The following SENP6 variants were observed in gnomAD, a reference collection of about 807,000 sequenced individuals.
SENP6 encodes sentrin-specific protease 6.
Under a neutral mutation model 134.5 loss-of-function variants are expected in SENP6, and 41 were observed. That is an observed-to-expected ratio of 0.30 (90% confidence interval 0.24 to 0.40). The LOEUF is 0.40. Ranked by LOEUF, SENP6 falls within the 10% of genes least tolerant of loss-of-function variation. The pLI is 1.00. For synonymous variants in SENP6, 395 were observed against 429.8 expected (o/e 0.92, Z 1.00); for missense variants, 1,248 against 1,312.5 (o/e 0.95, Z 0.76).
chr6:75,715,275 T>C, intron 23 of SENP6, 110 bp from the exon 24 acceptor site: 1 of 771,350 alleles, frequency 1.3e-6, no homozygotes, highest in Non-Finnish European at 2.2e-6. Context: ...CAGAAATACA[T>C]ATTGAATGCG....
At chr6:75,678,560 G>A (rs764763119) in intron 14 of SENP6, 23 bp from the exon 15 acceptor site, 4 of 1,124,558 alleles carry the variant, frequency 3.6e-6, no homozygotes, top group Admixed American at 4.2e-5. Flanking sequence ...ACTGTAAATT[G>A]CTAATTTAAT....
intron 9 of SENP6, among the ~76,000 whole-genome samples, chr6:75,666,196 C>A (rs35867662): frequency 1.0e-5 from 1 of 97,658 alleles, no homozygotes; most frequent in African/African-American, 2.9e-5. Context: ...ATATATAAAA[C>A]GTATATATGA....
At position 75,606,292 on chromosome 6, in the gene SENP6, G is replaced by A. The variant is rs6911032; in HGVS notation, c.52+3716G>A. On this transcript the variant is annotated intron_variant, in intron 1 of 23. Transcript: ENST00000447266. ...ACTAAAATTGTATGGATTTCATTAA[G>A]CCACAGCTTGTGTTAAAATTTTCTA... Among the ~76,000 whole-genome samples the A allele has an allele frequency of 9.4e-3, 1,435 of 152,232 alleles. 22 individuals are homozygous for A. The highest frequency in any genetic ancestry group is 0.033 in the African/African-American group (1,374 of 41,528).
At chr6:75,609,816 G>T (rs6930338) in intron 1 of SENP6, among the ~76,000 whole-genome samples, 43,488 of 152,000 alleles carry the variant, frequency 0.29, 6,815 homozygotes, top group Middle Eastern at 0.37. Context: ...TCTCGGCTCC[G>T]TTGCCCAGGC....
chr6:75,610,658 A>G (rs1479960597), intron 1 of SENP6, among the ~76,000 whole-genome samples: 3 of 152,284 alleles, frequency 2.0e-5, no homozygotes, highest in South Asian at 2.1e-4. Context: ...TAAAATTGGG[A>G]TAGTCCCAGG....
chr6:75,616,379 TTC>T (rs2149824440), intron 1 of SENP6, among the ~76,000 whole-genome samples: 1 of 152,328 alleles, frequency 6.6e-6, no homozygotes, highest in South Asian at 2.1e-4. Flanking sequence ...AATTTATTTT[TTC>T]TCTCACTGGA....
At chr6:75,644,541 A>C (rs905984704) in intron 6 of SENP6, among the ~76,000 whole-genome samples, 1 of 151,606 alleles carries the variant, frequency 6.6e-6, no homozygotes, top group Admixed American at 6.6e-5. Flanking sequence ...CTAGAGGGCA[A>C]TGGTGCAACC....
intron 21 of SENP6, among the ~76,000 whole-genome samples, chr6:75,712,265 G>T (rs1182238504): frequency 6.6e-6 from 1 of 151,968 alleles, no homozygotes; most frequent in Non-Finnish European, 1.5e-5. Context: ...TTTTTTTATA[G>T]AAAATGTTGA....
chr6:75,707,650 G>A (rs1264078819), intron 19 of SENP6, among the ~76,000 whole-genome samples: 3 of 151,920 alleles, frequency 2.0e-5, no homozygotes, highest in South Asian at 2.1e-4. Context: ...GAGCCACTGC[G>A]CTCAGCCCAT....
rs1773053853 is a variant in SENP6 at position 75,675,920 on chromosome 6, G to T, written c.1487G>T (p.Trp496Leu). The T allele has an allele frequency of 6.2e-7, 1 of 1,611,890 alleles. No homozygotes were observed. Among genetic ancestry groups the T allele is most frequent in the Non-Finnish European group, 8.5e-7 (1 of 1,179,076 alleles). ...ACCTCTGATCTAACTAAATGTGAATGGTGTAATGTCCGAAAATTACCTGTA... is the reference window on the plus strand; with the variant it reads ...ACCTCTGATCTAACTAAATGTGAATTGTGTAATGTCCGAAAATTACCTGTA... ...LNTSDLTKCE[W>L]CNVRKLPVVF... The change falls in exon 13 of 24, where the codon TGG becomes TTG. Residue 496 changes from tryptophan (W) to leucine (L), a missense_variant. Coordinates refer to ENST00000447266, the MANE Select transcript of SENP6 (RefSeq NM_015571.4).
At chr6:75,682,486 A>G (rs1465904431) in intron 16 of SENP6, among the ~76,000 whole-genome samples, 1 of 151,816 alleles carries the variant, frequency 6.6e-6, no homozygotes, top group Non-Finnish European at 1.5e-5. Context: ...TACATGTGCC[A>G]TGTTGGTTTG....
At chr6:75,618,662 C>T (rs548332593) in intron 1 of SENP6, among the ~76,000 whole-genome samples, 32 of 152,306 alleles carry the variant, frequency 2.1e-4, no homozygotes, top group African/African-American at 5.1e-4. Context: ...TCTATACTAA[C>T]CCGTGTTACA....
rs1247262395 is a variant in SENP6 at position 75,632,261 on chromosome 6, T to G, written c.208-1320T>G. Among the ~76,000 whole-genome samples the G allele has an allele frequency of 1.3e-4, 20 of 152,068 alleles. 1 individual carries two copies. Among genetic ancestry groups the G allele is most frequent in the Admixed American group, 1.3e-3 (20 of 15,246 alleles). On this transcript the variant is annotated intron_variant, in intron 3 of 23. Transcript: ENST00000447266. ...TAATAGAGGAGTGGTTAAATTAAAA[T>G]TTTTTTTGGAACGCAATTGACTGTT... is the stretch of plus-strand genomic sequence containing the variant.
chr6:75,697,580 T>G, intron 18 of SENP6, 63 bp downstream of exon 18: 1 of 1,112,942 alleles, frequency 9.0e-7, no homozygotes, highest in South Asian at 1.3e-5. Context: ...AATTTTTAAA[T>G]AATGAGTATG....
At chr6:75,706,168 G>C (rs961890453) in intron 19 of SENP6, among the ~76,000 whole-genome samples, 1 of 151,746 alleles carries the variant, frequency 6.6e-6, no homozygotes, top group Non-Finnish European at 1.5e-5. Context: ...GTGGCTGCTC[G>C]GGGCTTTTGG....
chr6:75,695,485 C>T (rs1247848447), intron 16 of SENP6, among the ~76,000 whole-genome samples: 1 of 152,168 alleles, frequency 6.6e-6, no homozygotes, highest in African/African-American at 2.4e-5. Flanking sequence ...GCCTGTAATC[C>T]CAGCACTTTG....
rs1330673457 is a variant in SENP6, at chr6:75,706,704, A to G, written c.2717-2823A>G. Among the ~76,000 whole-genome samples the G allele has an allele frequency of 3.9e-5, 6 of 152,196 alleles. 1 individual carries two copies. The South Asian group carries it at 6.2e-4, about 16-fold the overall frequency. On this transcript the variant is annotated intron_variant, in intron 19 of 23. Coordinates refer to ENST00000447266, the MANE Select transcript of SENP6 (RefSeq NM_015571.4). ...TTAGTATGTGTATACCATATCAACT[A>G]TCTCTTCCTCTGAAACAAATGTTTC...
intron 7 of SENP6, among the ~76,000 whole-genome samples, chr6:75,652,412 T>A (rs931932357): frequency 2.0e-5 from 3 of 151,992 alleles, no homozygotes; most frequent in Non-Finnish European, 4.4e-5. Context: ...GTTTTGACAT[T>A]TAAAATATTA....
chr6:75,638,612 ATATATATATATTT>A (rs1393439230), intron 5 of SENP6, among the ~76,000 whole-genome samples: 67 of 38,550 alleles, frequency 1.7e-3, no homozygotes, highest in Admixed American at 2.1e-3. Context: ...ATATATATAT[ATATATATATATTT>A]TTTTTTTTTT....
Sources: allele counts gnomAD v4.1 joint callset (sites outside exome capture counted in the v4.1 genomes callset), GRCh38; gene constraint gnomAD v4.1.1; transcripts MANE v1.5; gene names NCBI Gene and HGNC (gene_info 2026-07-23, HGNC 2026-07-21).